ITGA2: variants seen among roughly 807,000 people sequenced by gnomAD.
ITGA2 encodes integrin alpha-2.
Under a neutral mutation model 146.3 loss-of-function variants are expected in ITGA2, and 101 were observed. The ratio of observed to expected loss-of-function variants is 0.69; its 90% CI spans 0.59 to 0.81. ITGA2 has a LOEUF of 0.81. Ranked by LOEUF, ITGA2 falls within the 40% of genes least tolerant of loss-of-function variation. The pLI is 0.00. For synonymous variants in ITGA2, 477 were observed against 487.1 expected (o/e 0.98, Z 0.27); for missense variants, 1,281 against 1,402.7 (o/e 0.91, Z 1.39).
intron 7 of ITGA2, among the ~76,000 whole-genome samples, chr5:53,053,905 T>C (rs1744507014): frequency 6.6e-6 from 1 of 152,156 alleles, no homozygotes; most frequent in African/African-American, 2.4e-5. Context: ...GCACTGCGGG[T>C]AATTAAAACT....
chr5:53,090,708 T>A lies in ITGA2; in HGVS notation c.*109T>A. 1.5e-6 allele frequency: 1 copy of A among 670,360 alleles called. No homozygotes were observed. The highest frequency in any genetic ancestry group is 2.5e-6 in the Non-Finnish European group (1 of 405,878). The allele number at this position is 670,360 out of a possible 1,614,324, so 41.5% of individuals were successfully genotyped here. On this transcript the variant is annotated 3_prime_UTR_variant, in exon 30 of 30. Transcript: ENST00000296585. ...CATATTTTTTTTATCATGTCGTAGG[T>A]AAACTAACCTGGTATTTTAAGAGAA...
chr5:53,011,923 G>A (rs1742152630), intron 1 of ITGA2, among the ~76,000 whole-genome samples: 1 of 152,116 alleles, frequency 6.6e-6, no homozygotes, highest in African/African-American at 2.4e-5. Flanking sequence ...AACTTAAAAT[G>A]TAAGTAATGA....
chr5:53,057,330 A>G (rs535183478), intron 9 of ITGA2, among the ~76,000 whole-genome samples: 2 of 152,124 alleles, frequency 1.3e-5, no homozygotes, highest in African/African-American at 2.4e-5. Flanking sequence ...CTTCTTTTCT[A>G]TATTAAAGTG....
intron 19 of ITGA2, 120 bp from the exon 20 acceptor site, chr5:53,072,998 A>G (rs1417666588): frequency 5.0e-6 from 5 of 990,222 alleles, no homozygotes; most frequent in African/African-American, 3.3e-5. Context: ...TTACACAGCA[A>G]TTTTCTCAGT....
chr5:53,061,484 G>A (rs1248809444), intron 12 of ITGA2, among the ~76,000 whole-genome samples: 2 of 151,974 alleles, frequency 1.3e-5, no homozygotes, highest in Non-Finnish European at 2.9e-5. Context: ...GAAGAAGGGA[G>A]CAGCACAACA....
At chr5:53,055,160 A>G (rs1299281673) in intron 7 of ITGA2, among the ~76,000 whole-genome samples, 3 of 152,110 alleles carry the variant, frequency 2.0e-5, no homozygotes, top group Non-Finnish European at 4.4e-5. Context: ...TTAAAAAAAT[A>G]AGTATTGATA....
chr5:52,989,896 C>T (rs1468573096), intron 1 of ITGA2, among the ~76,000 whole-genome samples: 2 of 151,750 alleles, frequency 1.3e-5, no homozygotes, highest in Admixed American at 1.3e-4. Flanking sequence ...TCCTGGAGAC[C>T]GCGAGTCCTG....
At chr5:52,996,721 G>A (rs1459555425) in intron 1 of ITGA2, among the ~76,000 whole-genome samples, 4 of 152,144 alleles carry the variant, frequency 2.6e-5, no homozygotes, top group African/African-American at 9.7e-5. Flanking sequence ...CAATTCCAGT[G>A]GCATAATTAA....
intron 7 of ITGA2, among the ~76,000 whole-genome samples, chr5:53,053,365 C>T (rs560502821): frequency 6.6e-6 from 1 of 152,270 alleles, no homozygotes; most frequent in East Asian, 1.9e-4. Flanking sequence ...ATCTCATAAG[C>T]TGCTGGCCAG....
chr5:53,077,055 CACAT>C (rs965874446), intron 23 of ITGA2, among the ~76,000 whole-genome samples: 3 of 149,136 alleles, frequency 2.0e-5, no homozygotes, highest in Admixed American at 2.0e-4. Context: ...TATATACACA[CACAT>C]GTGCACATTT....
intron 1 of ITGA2, among the ~76,000 whole-genome samples, chr5:53,002,540 A>C (rs891978131): frequency 3.3e-5 from 5 of 152,114 alleles, no homozygotes; most frequent in African/African-American, 1.2e-4. Flanking sequence ...TTTCCATGTG[A>C]GTTTTATATT....
intron 6 of ITGA2, 91 bp downstream of exon 6, chr5:53,048,861 A>G: frequency 7.2e-7 from 1 of 1,398,546 alleles, no homozygotes; most frequent in East Asian, 2.3e-5. Flanking sequence ...GTATTTGCCA[A>G]ATCCCCATTT....
Position 53,090,525 on chromosome 5 carries a change from T to G in ITGA2, c.3472T>G (p.Phe1158Val). 1 of 1,613,898 alleles carries G rather than the reference T, an allele frequency of 6.2e-7. No homozygotes were observed. The highest frequency in any genetic ancestry group is 1.1e-5 in the South Asian group (1 of 91,078). ...ALVAILWKLGFFKRKYEKMTK... is the reference protein window; with the variant it reads ...ALVAILWKLGVFKRKYEKMTK... ...TATATCATCACCTTTACAGCTCGGC[T>G]TCTTCAAAAGAAAATATGAAAAGAT... is the stretch of plus-strand genomic sequence containing the variant. Residue 1158 changes from phenylalanine (F) to valine (V), a missense_variant, in exon 30 of 30, where the codon TTC (phenylalanine) becomes GTC (valine). Around this residue, in one of 3 missense-constraint regions of ITGA2, gnomAD observed 475 missense variants for 530.5 expected, o/e 0.90. Coordinates refer to ENST00000296585, the MANE Select transcript of ITGA2 (RefSeq NM_002203.4).
chr5:53,051,632 G>T (rs1406432489), intron 7 of ITGA2, 73 bp downstream of exon 7: 1 of 1,451,578 alleles, frequency 6.9e-7, no homozygotes, highest in African/African-American at 1.4e-5. Context: ...ATATGAAAAA[G>T]TAAGGAAAAG....
chr5:53,017,409 C>G (rs746812061), intron 1 of ITGA2, among the ~76,000 whole-genome samples: 1 of 152,200 alleles, frequency 6.6e-6, no homozygotes, highest in Non-Finnish European at 1.5e-5. Context: ...GGCATTGGGC[C>G]CCCCCGCTTT....
chr5:53,012,014 A>G (rs966493616), intron 1 of ITGA2, among the ~76,000 whole-genome samples: 1 of 152,066 alleles, frequency 6.6e-6, no homozygotes, highest in Non-Finnish European at 1.5e-5. Flanking sequence ...TCATGGTTAT[A>G]AAAAAAATCC....
intron 23 of ITGA2, among the ~76,000 whole-genome samples, chr5:53,075,713 T>C (rs902295416): frequency 2.6e-5 from 4 of 152,004 alleles, no homozygotes; most frequent in Admixed American, 6.6e-5. Context: ...TTCCTGGACA[T>C]TGAAGCCCCA....
chr5:53,043,232 A>G (rs1353541568), intron 3 of ITGA2, among the ~76,000 whole-genome samples: 1 of 150,836 alleles, frequency 6.6e-6, no homozygotes, highest in Admixed American at 6.6e-5. Flanking sequence ...ACACAAATAT[A>G]TACATTTGGA....
chr5:53,044,694 G>A (rs969383556), intron 3 of ITGA2, among the ~76,000 whole-genome samples: 2 of 151,248 alleles, frequency 1.3e-5, no homozygotes, highest in Admixed American at 1.3e-4. Context: ...CAAAAATGAT[G>A]TCCTCAAATG....
Sources: gnomAD v4.1 joint callset for allele counts (sites outside exome capture counted in the v4.1 genomes callset) on GRCh38, gnomAD v4.1.1 for gene constraint, gnomAD v4.1.1 regional missense constraint, MANE v1.5 for transcripts, NCBI Gene and HGNC (gene_info 2026-07-23, HGNC 2026-07-21) for gene names.